The following HSP90B1 variants were observed in gnomAD, a reference collection of about 807,000 sequenced individuals.
The protein encoded by HSP90B1 is endoplasmin.
In HSP90B1, 27 loss-of-function variants were observed where a neutral mutation model predicts 100.4. That is an observed-to-expected ratio of 0.27 (90% CI 0.20 to 0.37). HSP90B1 has a LOEUF of 0.37. Ranked by LOEUF, HSP90B1 falls within the 10% of genes least tolerant of loss-of-function variation. The probability of loss-of-function intolerance (pLI) is 1.00; values close to 1 mark genes in which losing one functional copy is unlikely to be tolerated. For synonymous variants in HSP90B1, 304 were observed against 330.8 expected, an observed-to-expected ratio of 0.92 and a Z score of 0.88; for missense variants, 678 against 960.5, an observed-to-expected ratio of 0.71 and a Z score of 3.89.
chr12:103,936,852 G>C (rs1230035470), intron 5 of HSP90B1, among the ~76,000 whole-genome samples: 1 of 151,972 alleles, frequency 6.6e-6, no homozygotes, highest in African/African-American at 2.4e-5. Context: ...TGAGACCAGG[G>C]GCCTAGTCAC....
Position 103,941,819 on chromosome 12 carries a change from T to C in HSP90B1, c.1309-13T>C. The C allele has an allele frequency of 6.2e-7, 1 of 1,613,500 alleles. No homozygotes were observed. The highest frequency in any genetic ancestry group is 2.2e-5 in the East Asian group (1 of 44,880). Reference sequence around the variant, plus strand: ...GTTTTATTGCTCACTGAACTTTCTTTTGCCATCTGAAGGTGGACTCAGATG... The same window carrying C: ...GTTTTATTGCTCACTGAACTTTCTTCTGCCATCTGAAGGTGGACTCAGATG... On this transcript the variant is annotated splice_polypyrimidine_tract_variant and intron_variant, in intron 10 of 17. Transcript: ENST00000299767.
chr12:103,933,664 T>C (rs557285223), intron 4 of HSP90B1, among the ~76,000 whole-genome samples: 1 of 152,378 alleles, frequency 6.6e-6, no homozygotes, highest in African/African-American at 2.4e-5. Flanking sequence ...CATAAAATTT[T>C]ATTTTTCTTG....
chr12:103,941,723 T>A lies in HSP90B1; in HGVS notation c.1308+17T>A. On this transcript the variant is annotated intron_variant, in intron 10 of 17. Coordinates refer to ENST00000299767, the MANE Select transcript of HSP90B1 (RefSeq NM_003299.3). Reference sequence around the variant, plus strand: ...AAGGGTGTGGTAAGTATCTGAAGTTTGGGAGAAGGGGTGATTGTTGTGGGG... The same window carrying A: ...AAGGGTGTGGTAAGTATCTGAAGTTAGGGAGAAGGGGTGATTGTTGTGGGG... The A allele has an allele frequency of 6.2e-7, 1 of 1,611,932 alleles. No individual in the cohort carries two copies. Among genetic ancestry groups the A allele is most frequent in the Non-Finnish European group, 8.5e-7 (1 of 1,178,024 alleles).
intron 16 of HSP90B1, 129 bp downstream of exon 16, chr12:103,947,070 T>A: frequency 8.7e-7 from 1 of 1,151,730 alleles, no homozygotes; most frequent in Non-Finnish European, 1.2e-6. Flanking sequence ...TTGAAAGAAT[T>A]TTATTGAATG....
intron 11 of HSP90B1, 24 bp downstream of exon 11, chr12:103,941,921 C>T: frequency 6.3e-7 from 1 of 1,590,566 alleles, no homozygotes; most frequent in Non-Finnish European, 8.6e-7. Flanking sequence ...GGAAGAAACT[C>T]TCCACTTTGC....
At chr12:103,942,255 A>C (rs930934927) in intron 11 of HSP90B1, among the ~76,000 whole-genome samples, 1 of 152,186 alleles carries the variant, frequency 6.6e-6, no homozygotes, top group African/African-American at 2.4e-5. Flanking sequence ...TGAAAGTAGC[A>C]TATTTGTTCA....
chr12:103,931,504 C>G lies in HSP90B1; in HGVS notation c.50-17C>G. 1 of 1,587,838 alleles carries G rather than the reference C, an allele frequency of 6.3e-7. No homozygotes were observed. Among genetic ancestry groups the G allele is most frequent in the South Asian group, 1.1e-5 (1 of 90,220 alleles). On this transcript the variant is annotated splice_polypyrimidine_tract_variant and intron_variant, in intron 1 of 17. Transcript: ENST00000299767. ...AGAAGTGTGATGTTGAAGAGTTTGC[C>G]CGTGTTAAATCTTCAGGGTCGGTCA...
rs759251898 is a variant in HSP90B1 at position 103,943,748 on chromosome 12, C to T, written c.1901C>T (p.Ala634Val). ...ATTTCTTTCCCTAAGATTGAAAAGG[C>T]TGTGGTGTCTCAGCGCCTGACAGAA... ...DKALKDKIEK[A>V]VVSQRLTESP... Residue 634 changes from alanine (A) to valine (V), a missense_variant, in exon 14 of 18, where the codon GCT becomes GTT. Transcript: ENST00000299767. The surrounding 1 kb of genome is among the most constrained non-coding windows in gnomAD (Gnocchi z 5.3). The T allele has an allele frequency of 2.5e-6, 4 of 1,613,302 alleles. No individual in the cohort carries two copies. The highest frequency in any genetic ancestry group is 1.1e-5 in the South Asian group (1 of 90,966).
At position 103,939,630 on chromosome 12, in the gene HSP90B1, ATATT is replaced by A. The variant is rs1224980458; in HGVS notation, c.1092+9_1092+12del. 4 of 1,267,682 alleles carry A rather than the reference ATATT, an allele frequency of 3.2e-6. No homozygotes were observed. The highest frequency in any genetic ancestry group is 2.3e-5 in the Admixed American group (1 of 43,662). 78.5% of individuals were successfully genotyped at this position (1,267,682 alleles called of 1,614,324 possible). On this transcript the variant is annotated splice_donor_region_variant and intron_variant, in intron 8 of 17. Transcript: ENST00000299767. ...TTCTACAAATCATTTTCAAAGGTAA[ATATT>A]TATAATTCCCTAGTTTCTGGTTATT...
At chr12:103,940,382 A>AG (rs1296772822) in intron 8 of HSP90B1, among the ~76,000 whole-genome samples, 59 of 152,006 alleles carry the variant, frequency 3.9e-4, no homozygotes, top group African/African-American at 1.1e-3. Flanking sequence ...GTAACTCTTA[A>AG]GGATGCAAAA....
chr12:103,939,715 G>T, intron 8 of HSP90B1, 90 bp downstream of exon 8: 2 of 611,556 alleles, frequency 3.3e-6, no homozygotes, highest in Admixed American at 3.1e-5. Context: ...ATGTGACCAT[G>T]AATATGAGAT....
At chr12:103,946,433 G>A (rs11837103) in intron 14 of HSP90B1, among the ~76,000 whole-genome samples, 185 bp from the exon 15 acceptor site, 6,015 of 147,004 alleles carry the variant, frequency 0.041, 421 homozygotes, top group African/African-American at 0.14. Flanking sequence ...TACGGAGGGC[G>A]GACTGTATTT....
intron 5 of HSP90B1, among the ~76,000 whole-genome samples, chr12:103,936,700 C>A (rs1869928685): frequency 6.6e-6 from 1 of 151,718 alleles, no homozygotes; most frequent in South Asian, 2.1e-4. Flanking sequence ...CTTGCCAGCC[C>A]CTTGTCTAGG....
rs770060582 is a variant in HSP90B1 at position 103,942,596 on chromosome 12, G to T, written c.1444G>T (p.Asp482Tyr). The change falls in exon 12 of 18, where the codon GAT (aspartate) becomes TAT (tyrosine). Residue 482 changes from aspartate (D) to tyrosine (Y), a missense_variant. By Grantham distance (160) the Asp-to-Tyr change is radical. Coordinates refer to ENST00000299767, the MANE Select transcript of HSP90B1 (RefSeq NM_003299.3). ...GAAGATTGCTGATGATAAATACAAT[G>T]ATACTTTTTGGAAAGAATTTGGTAC... ...IKKIADDKYN[D>Y]TFWKEFGTNI... 4 of 1,613,918 alleles carry T rather than the reference G, an allele frequency of 2.5e-6. No homozygotes were observed. The highest frequency in any genetic ancestry group is 4.5e-5 in the East Asian group (2 of 44,882).
chr12:103,943,887 G>A lies in HSP90B1; in HGVS notation c.2027+13G>A, dbSNP rs1255940271. 17 of 1,610,060 alleles carry A rather than the reference G, an allele frequency of 1.1e-5. No individual in the cohort carries two copies. The East Asian group carries it at 1.3e-4, about 13-fold the overall frequency. ...ACATCTCTACAAAGTAAGCATCCTC[G>A]GGAAAGTCCCTGCCAGGGCGTTGCC... On this transcript the variant is annotated intron_variant, in intron 14 of 17. Transcript: ENST00000299767. The surrounding 1 kb of genome is among the most constrained non-coding windows in gnomAD (Gnocchi z 5.3).
rs775215235 is a variant in HSP90B1 at position 103,941,394 on chromosome 12, T to C, written c.1093-16T>C. 6.2e-7 allele frequency: 1 copy of C among 1,611,126 alleles called. No homozygotes were observed. Among genetic ancestry groups the C allele is most frequent in the Non-Finnish European group, 8.5e-7 (1 of 1,179,290 alleles). On this transcript the variant is annotated splice_polypyrimidine_tract_variant and intron_variant, in intron 8 of 17. Coordinates refer to ENST00000299767, the MANE Select transcript of HSP90B1 (RefSeq NM_003299.3). ...TCCTGTGTCGTTTGAATGACTAAGA[T>C]ACCAACTTTCCACAGGAAAGTGATG...
At chr12:103,947,592 T>G (rs774603610) in intron 17 of HSP90B1, 41 bp from the exon 18 acceptor site, 1 of 1,553,196 alleles carries the variant, frequency 6.4e-7, no homozygotes, top group East Asian at 2.2e-5. Context: ...TTTTTTCTGC[T>G]AACTTTTAAT....
intron 10 of HSP90B1, 49 bp downstream of exon 10, chr12:103,941,755 C>T (rs2136216270): frequency 6.3e-7 from 1 of 1,597,400 alleles, no homozygotes; most frequent in African/African-American, 1.3e-5. Context: ...GGGGGTCTGG[C>T]AGTGTAGAGT....
At chr12:103,931,848 A>C in intron 2 of HSP90B1, 1 of 552,986 alleles carries the variant, frequency 1.8e-6, no homozygotes, top group Non-Finnish European at 3.4e-6. Context: ...AGCACCATAA[A>C]CTTTGTAAGA....
Sources: gnomAD v4.1 joint callset for allele counts (sites outside exome capture counted in the v4.1 genomes callset) on GRCh38, gnomAD v4.1.1 for gene constraint, Gnocchi (gnomAD v3.1) non-coding constraint, MANE v1.5 for transcripts, NCBI Gene and HGNC (gene_info 2026-07-23, HGNC 2026-07-21) for gene names.